Variants in AKAP8 observed in about 807,000 individuals in gnomAD.
AKAP8 encodes A-kinase anchor protein 8.
AKAP8 carries 24 observed loss-of-function variants against 67.5 expected under a neutral mutation model. That is an observed-to-expected ratio of 0.36 (90% CI 0.26 to 0.50). AKAP8 has a LOEUF of 0.50. Ranked by LOEUF, AKAP8 falls within the 20% of genes least tolerant of loss-of-function variation. The pLI is 0.97. For missense variants in AKAP8, 971 were observed against 955.9 expected, an observed-to-expected ratio of 1.02 and a Z score of -0.21; for synonymous variants, 400 against 371.1, an observed-to-expected ratio of 1.08 and a Z score of -0.90.
Position 15,358,988 on chromosome 19 carries a change from CTT to C in AKAP8, c.1600_1601del (p.Lys534AspfsTer9). ...KSVLNNRHIV[K>X]MLEKYLKGED... The stretch of plus-strand genomic sequence containing the variant: ...AAACCTTGAGGTATTTTTCCAGCAT[CTT>C]CACTATATGTCTGTTGTTCAAAACA... On this transcript the variant is annotated frameshift_variant, in exon 13 of 14. Coordinates refer to ENST00000269701, the MANE Select transcript of AKAP8 (RefSeq NM_005858.4). LOFTEE classifies it low-confidence loss of function (END_TRUNC). The C allele has an allele frequency of 6.2e-7, 1 of 1,614,196 alleles. No individual in the cohort carries two copies. Among genetic ancestry groups the C allele is most frequent in the East Asian group, 2.2e-5 (1 of 44,888 alleles).
chr19:15,360,302 C>A (rs1162800345), intron 12 of AKAP8, among the ~76,000 whole-genome samples: 1 of 152,210 alleles, frequency 6.6e-6, no homozygotes, highest in African/African-American at 2.4e-5. Flanking sequence ...GGCTGCAGAG[C>A]AAACGCAGCC....
chr19:15,362,446 G>A (rs1487494115), intron 9 of AKAP8, among the ~76,000 whole-genome samples, 195 bp from the exon 10 acceptor site: 2 of 148,830 alleles, frequency 1.3e-5, no homozygotes, highest in Non-Finnish European at 3.0e-5. Flanking sequence ...TCGGCTCACT[G>A]CAACCTCCCT....
At chr19:15,356,576 C>G (rs2048280099) in intron 13 of AKAP8, among the ~76,000 whole-genome samples, 1 of 151,268 alleles carries the variant, frequency 6.6e-6, no homozygotes, top group Non-Finnish European at 1.5e-5. Context: ...CCAGCCTGGG[C>G]AACGTGGCGA....
intron 12 of AKAP8, among the ~76,000 whole-genome samples, 171 bp from the exon 13 acceptor site, chr19:15,359,233 C>T (rs1025706392): frequency 1.3e-5 from 2 of 152,198 alleles, no homozygotes; most frequent in Non-Finnish European, 2.9e-5. Flanking sequence ...CCAAGACTAA[C>T]AAACTGGAAA....
intron 9 of AKAP8, among the ~76,000 whole-genome samples, chr19:15,363,365 A>T (rs1967009958): frequency 9.4e-6 from 1 of 106,452 alleles, no homozygotes; most frequent in Non-Finnish European, 1.9e-5. Flanking sequence ...GGGGGGGGTC[A>T]GCCCCCCGCC....
At chr19:15,370,673 C>T (rs1217185507) in intron 7 of AKAP8, among the ~76,000 whole-genome samples, 1 of 123,884 alleles carries the variant, frequency 8.1e-6, no homozygotes, top group Non-Finnish European at 1.6e-5. Flanking sequence ...GCCCTGTCTC[C>T]CAGGCTGGAG....
At position 15,359,402 on chromosome 19, in the gene AKAP8, A is replaced by G. The variant is rs553373197; in HGVS notation, c.1528-340T>C. ...CTTTCTTTTCAGTTTTTGGGGTTACATTGATTTCATAAGTTCAACAACAAA... is the reference window on the plus strand; with the variant it reads ...CTTTCTTTTCAGTTTTTGGGGTTACGTTGATTTCATAAGTTCAACAACAAA... On this transcript the variant is annotated intron_variant, in intron 12 of 13. Coordinates refer to ENST00000269701, the MANE Select transcript of AKAP8 (RefSeq NM_005858.4). Among the ~76,000 whole-genome samples, 15 of 152,346 alleles carry G rather than the reference A, an allele frequency of 9.8e-5. No individual in the cohort carries two copies. In the South Asian group the frequency reaches 2.5e-3, roughly 25 times the overall value.
intron 13 of AKAP8, among the ~76,000 whole-genome samples, chr19:15,356,385 C>G (rs1052232422): frequency 1.3e-5 from 2 of 151,438 alleles, no homozygotes; most frequent in Non-Finnish European, 2.9e-5. Flanking sequence ...AGCCTGGCAG[C>G]CTGGGCGACA....
chr19:15,361,935 A>G (rs1035960138), intron 10 of AKAP8, 113 bp from the exon 11 acceptor site: 2 of 1,347,862 alleles, frequency 1.5e-6, no homozygotes, highest in African/African-American at 1.5e-5. Context: ...GGGGCAGCAC[A>G]GCACGATGGC....
At chr19:15,361,447 T>C in intron 11 of AKAP8, 2 of 332,964 alleles carry the variant, frequency 6.0e-6, no homozygotes, top group South Asian at 2.9e-5. Flanking sequence ...GACTCCCAGG[T>C]TGACACCATT....
At chr19:15,371,390 T>C (rs1967155143) in intron 7 of AKAP8, among the ~76,000 whole-genome samples, 1 of 152,118 alleles carries the variant, frequency 6.6e-6, no homozygotes, top group Non-Finnish European at 1.5e-5. Context: ...AGCCTGTGCT[T>C]GGAGGCTTCA....
chr19:15,362,868 G>A (rs1437397145), intron 9 of AKAP8, among the ~76,000 whole-genome samples: 2 of 150,688 alleles, frequency 1.3e-5, no homozygotes, highest in Non-Finnish European at 3.0e-5. Context: ...AGTCTGGAAA[G>A]TGAGGAGCGT....
rs760507022 is a variant in AKAP8 at position 15,368,297 on chromosome 19, ATCCTCG to A, written c.1092_1097del (p.Glu365_Asp366del). The A allele has an allele frequency of 2.0e-5, 33 of 1,613,466 alleles. No individual in the cohort carries two copies. The highest frequency in any genetic ancestry group is 1.0e-4 in the Admixed American group (6 of 59,998). Reference sequence around the variant, plus strand: ...TTTGCTTTTCCCTTCTCTTCTTCACATCCTCGTCCTCGTCCTCCTTCTCTCCTGTAA... The same window carrying A: ...TTTGCTTTTCCCTTCTCTTCTTCACATCCTCGTCCTCCTTCTCTCCTGTAA... On this transcript the variant is annotated inframe_deletion, in exon 9 of 14. Coordinates refer to ENST00000269701, the MANE Select transcript of AKAP8 (RefSeq NM_005858.4).
intron 13 of AKAP8, among the ~76,000 whole-genome samples, chr19:15,357,191 C>A (rs1966895431): frequency 6.6e-6 from 1 of 151,306 alleles, no homozygotes; most frequent in South Asian, 2.1e-4. Flanking sequence ...GAACTCCTGA[C>A]CTCGTGATGC....
At chr19:15,372,467 A>C in intron 5 of AKAP8, 120 bp from the exon 6 acceptor site, 1 of 1,359,318 alleles carries the variant, frequency 7.4e-7, no homozygotes, top group Non-Finnish European at 1.0e-6. Context: ...TTCAAAAAGC[A>C]AAGAGACAAC....
chr19:15,355,088 CAT>C lies in AKAP8; in HGVS notation c.1904_1905del (p.His635ArgfsTer10). On this transcript the variant is annotated frameshift_variant, in exon 14 of 14. Transcript: ENST00000269701. LOFTEE classifies it low-confidence loss of function (END_TRUNC). Reference sequence around the variant, plus strand: ...CTTCTGGCCTTGGGGACGCCCTTCTCATGTGCCGTTCCACAGGGCACCTGCTC... The same window carrying C: ...CTTCTGGCCTTGGGGACGCCCTTCTCGTGCCGTTCCACAGGGCACCTGCTC... Reference protein sequence around the residue: ...LEEQVPCGTAHEKGVPKARSE... With the variant: ...LEEQVPCGTAXEKGVPKARSE... 6.2e-7 allele frequency: 1 copy of C among 1,614,006 alleles called. No individual in the cohort carries two copies. Among genetic ancestry groups the C allele is most frequent in the Non-Finnish European group, 8.5e-7 (1 of 1,180,048 alleles).
rs762555380 is a variant in AKAP8 at position 15,372,243 on chromosome 19, G to A, written c.966C>T (p.Asp322=). 18 of 1,614,200 alleles carry A rather than the reference G, an allele frequency of 1.1e-5. No homozygotes were observed. The East Asian group carries it at 3.1e-4, about 28-fold the overall frequency. Residue 322 remains aspartate (D), a synonymous_variant, in exon 6 of 14, where the codon GAC becomes GAT. Coordinates refer to ENST00000269701, the MANE Select transcript of AKAP8 (RefSeq NM_005858.4). ...CATTTTCGGAGAAATCTCCTTCACTGTCAACCCGGGCCAGTTTGGTGTCTG... is the reference window on the plus strand; with the variant it reads ...CATTTTCGGAGAAATCTCCTTCACTATCAACCCGGGCCAGTTTGGTGTCTG... The part of the protein sequence containing the change: ...EEPDTKLARV[D]SEGDFSENDD...
rs779577362 is a variant in AKAP8, at chr19:15,373,014, C to G, written c.698G>C (p.Arg233Pro). Residue 233 changes from arginine to proline, a missense_variant, in exon 5 of 14, where the codon CGG becomes CCG. By Grantham distance (103) the Arg-to-Pro change is moderately radical. This residue lies in a region of AKAP8 where 763 missense variants were observed against 745.4 expected (regional missense o/e 1.02). Transcript: ENST00000269701. ...PWNELNYVGG[R>P]GLGGPSPSRP... ...GCTGGGGGAGGGCCCTCCCAGGCCC[C>G]GTCCACCCACGTAGTTCAGCTCGTT... 6.4e-7 allele frequency: 1 copy of G among 1,574,756 alleles called. No individual in the cohort carries two copies. Among genetic ancestry groups the G allele is most frequent in the Admixed American group, 1.8e-5 (1 of 56,000 alleles).
chr19:15,363,951 T>C (rs1183733516), intron 9 of AKAP8, among the ~76,000 whole-genome samples: 2 of 151,740 alleles, frequency 1.3e-5, no homozygotes, highest in Admixed American at 6.6e-5. Flanking sequence ...AACAGATGCT[T>C]GAAGGCAGCA....
Sources: gnomAD v4.1 joint callset for allele counts (sites outside exome capture counted in the v4.1 genomes callset) on GRCh38, gnomAD v4.1.1 for gene constraint, gnomAD v4.1.1 regional missense constraint, MANE v1.5 for transcripts, NCBI Gene and HGNC (gene_info 2026-07-23, HGNC 2026-07-21) for gene names.